CNNM2: variants seen among roughly 807,000 people sequenced by gnomAD.
CNNM2 encodes cyclin and CBS domain divalent metal cation transport mediator 2.
In CNNM2, 12 loss-of-function variants were observed where a neutral mutation model predicts 66.9. The ratio of observed to expected loss-of-function variants is 0.18; its 90% confidence interval spans 0.11 to 0.29. The LOEUF (loss-of-function observed/expected upper bound fraction) is 0.29, where lower values mean the gene tolerates loss of function less well. Among genes scored for constraint, CNNM2 ranks in the 10% least tolerant of loss-of-function variants. The probability of loss-of-function intolerance (pLI) is 1.00; values close to 1 mark genes in which losing one functional copy is unlikely to be tolerated. For synonymous variants in CNNM2, 557 were observed against 501.8 expected, an observed-to-expected ratio of 1.11 and a Z score of -1.47; for missense variants, 705 against 1,167.7, an observed-to-expected ratio of 0.60 and a Z score of 5.77.
chr10:103,075,349 G>A (rs899703316), intron 6 of CNNM2, among the ~76,000 whole-genome samples: 2 of 152,152 alleles, frequency 1.3e-5, no homozygotes, highest in Admixed American at 6.5e-5. Context: ...TTTTAATGAC[G>A]TTTCCATTAG....
chr10:103,031,522 C>T (rs1260421002), intron 1 of CNNM2, among the ~76,000 whole-genome samples: 1 of 152,096 alleles, frequency 6.6e-6, no homozygotes, highest in East Asian at 1.9e-4. Flanking sequence ...TGTTCTAACA[C>T]ATCTGGCACT....
rs974668941 is a variant in CNNM2 at position 103,081,206 on chromosome 10, CCAGATATGGGCT to C, written c.*4027_*4038del. The C allele has an allele frequency of 2.6e-5, 4 of 152,244 alleles. No homozygotes were observed. The highest frequency in any genetic ancestry group is 9.7e-5 in the African/African-American group (4 of 41,448). 9.4% of individuals were successfully genotyped at this position (152,244 alleles called of 1,614,324 possible). A position where few individuals can be genotyped will look rare whatever the true frequency, so the allele number is the denominator to read the frequency against. On this transcript the variant is annotated 3_prime_UTR_variant, in exon 8 of 8. Transcript: ENST00000369878. ...GAAAAACTCCCCTCTGCTTTTGAGC[CCAGATATGGGCT>C]TTTCTTTGCAAAGGGTTGAGGAGAA...
intron 1 of CNNM2, among the ~76,000 whole-genome samples, chr10:103,026,461 C>G (rs2064704749): frequency 1.3e-5 from 2 of 151,850 alleles, no homozygotes; most frequent in Admixed American, 6.6e-5. Context: ...TTTAGCTGGG[C>G]ATGGTTGCAC....
At chr10:103,003,272 C>A (rs896015235) in intron 1 of CNNM2, among the ~76,000 whole-genome samples, 1 of 151,972 alleles carries the variant, frequency 6.6e-6, no homozygotes, top group African/African-American at 2.4e-5. Context: ...AGCCACCATA[C>A]CTGGATAATT....
intron 1 of CNNM2, among the ~76,000 whole-genome samples, chr10:103,033,689 G>A (rs2064873348): frequency 6.6e-6 from 1 of 152,008 alleles, no homozygotes; most frequent in Non-Finnish European, 1.5e-5. Context: ...GTTTCACCAT[G>A]TTGGCCAGGC....
At chr10:102,954,023 G>T (rs1846938445) in intron 1 of CNNM2, among the ~76,000 whole-genome samples, 1 of 152,050 alleles carries the variant, frequency 6.6e-6, no homozygotes, top group Non-Finnish European at 1.5e-5. Context: ...AGGTTACTTT[G>T]TGAGTAAGTG....
At chr10:102,988,021 G>A (rs1590354441) in intron 1 of CNNM2, among the ~76,000 whole-genome samples, 1 of 152,132 alleles carries the variant, frequency 6.6e-6, no homozygotes, top group Non-Finnish European at 1.5e-5. Context: ...TGAAAAGGCC[G>A]GGCATGGTGG....
chr10:102,937,580 G>A (rs1465833190), intron 1 of CNNM2, among the ~76,000 whole-genome samples: 3 of 152,086 alleles, frequency 2.0e-5, no homozygotes, highest in Non-Finnish European at 2.9e-5. Flanking sequence ...TGAACCACCT[G>A]TGCTTGAAGC....
In CNNM2 at chr10:103,009,911, G is replaced by A. The variant is rs186040895; in HGVS notation, c.1622-39796G>A. Reference sequence around the variant, plus strand: ...CCTGCATCAGACTGGATTTGTGGCTGTCACATGCAAATGGAGGAAATTTAA... The same window carrying A: ...CCTGCATCAGACTGGATTTGTGGCTATCACATGCAAATGGAGGAAATTTAA... On this transcript the variant is annotated intron_variant, in intron 1 of 7. Coordinates refer to ENST00000369878, the MANE Select transcript of CNNM2 (RefSeq NM_017649.5). Among the ~76,000 whole-genome samples the A allele has an allele frequency of 3.3e-5, 5 of 151,226 alleles. No homozygotes were observed. In the East Asian group the frequency reaches 9.7e-4, roughly 29 times the overall value.
chr10:103,026,472 A>G (rs1241547295), intron 1 of CNNM2, among the ~76,000 whole-genome samples: 3 of 151,984 alleles, frequency 2.0e-5, no homozygotes, highest in Non-Finnish European at 4.4e-5. Flanking sequence ...ATGGTTGCAC[A>G]TACCTGTAGT....
At chr10:103,069,088 C>G (rs2065530014) in intron 5 of CNNM2, among the ~76,000 whole-genome samples, 1 of 152,188 alleles carries the variant, frequency 6.6e-6, no homozygotes, top group Non-Finnish European at 1.5e-5. Context: ...GTGTGTGTTA[C>G]ACAGAGGCTG....
At chr10:102,938,676 TA>T (rs1205963852) in intron 1 of CNNM2, among the ~76,000 whole-genome samples, 1 of 146,358 alleles carries the variant, frequency 6.8e-6, no homozygotes, top group Non-Finnish European at 1.5e-5. Context: ...GCCAACTTTC[TA>T]AAAAAATTAA....
intron 1 of CNNM2, among the ~76,000 whole-genome samples, chr10:103,006,127 C>T (rs913883060): frequency 2.0e-5 from 3 of 152,036 alleles, no homozygotes; most frequent in Admixed American, 1.3e-4. Flanking sequence ...TAGTGATATC[C>T]TTGTCTTATT....
Position 103,086,747 on chromosome 10 carries a change from T to C in CNNM2, c.*9567T>C, listed in dbSNP as rs2065817863. 1.3e-5 allele frequency: 2 copies of C among 152,204 alleles called. No individual in the cohort carries two copies. Among genetic ancestry groups the C allele is most frequent in the Admixed American group, 1.3e-4 (2 of 15,282 alleles). The allele number at this position is 152,204 out of a possible 1,614,324, so 9.4% of individuals were successfully genotyped here. ...TTAGGGTAGCTTGAAGGGTTTGCGT[T>C]ATTATTTTAGGTCTCAGCAGAGGTA... On this transcript the variant is annotated 3_prime_UTR_variant, in exon 8 of 8. Transcript: ENST00000369878.
At chr10:103,006,704 G>A (rs546491248) in intron 1 of CNNM2, among the ~76,000 whole-genome samples, 32 of 152,112 alleles carry the variant, frequency 2.1e-4, no homozygotes, top group Non-Finnish European at 3.7e-4. Flanking sequence ...TCAGCTTACC[G>A]CAGCCTTGAC....
At chr10:102,954,086 A>G (rs891960358) in intron 1 of CNNM2, among the ~76,000 whole-genome samples, 5 of 145,594 alleles carry the variant, frequency 3.4e-5, no homozygotes, top group East Asian at 2.0e-4. Flanking sequence ...CCACTGTGCT[A>G]TTTTCTATGT....
At chr10:102,990,150 G>C (rs2063873632) in intron 1 of CNNM2, among the ~76,000 whole-genome samples, 1 of 152,006 alleles carries the variant, frequency 6.6e-6, no homozygotes, top group Non-Finnish European at 1.5e-5. Context: ...GTTTTTAGTA[G>C]AGATAGGGTT....
At position 103,074,116 on chromosome 10, in the gene CNNM2, C is replaced by T. The variant is rs566259293; in HGVS notation, c.2234-1970C>T. On this transcript the variant is annotated intron_variant, in intron 6 of 7. Transcript: ENST00000369878. ...CAGCTTAGTCAACACGGTGAAACCCCGTCTCTACTAAAAATACAAAAATTA... is the reference window on the plus strand; with the variant it reads ...CAGCTTAGTCAACACGGTGAAACCCTGTCTCTACTAAAAATACAAAAATTA... Among the ~76,000 whole-genome samples, 7 of 151,968 alleles carry T rather than the reference C, an allele frequency of 4.6e-5. No individual in the cohort carries two copies. In the East Asian group the frequency reaches 5.9e-4, roughly 13 times the overall value.
chr10:103,071,944 C>T, intron 6 of CNNM2, 105 bp downstream of exon 6: 1 of 990,124 alleles, frequency 1.0e-6, no homozygotes. Flanking sequence ...AGGCTGTTTT[C>T]AGTGTTCCTT....
Sources: allele counts gnomAD v4.1 joint callset (sites outside exome capture counted in the v4.1 genomes callset), GRCh38; gene constraint gnomAD v4.1.1; transcripts MANE v1.5; gene names NCBI Gene and HGNC (gene_info 2026-07-23, HGNC 2026-07-21).